The following ZFP2 variants were observed in gnomAD, a reference collection of about 807,000 sequenced individuals.
ZFP2 encodes ZFP2 zinc finger protein.
Under a neutral mutation model 36.1 loss-of-function variants are expected in ZFP2, and 33 were observed. That is an observed-to-expected ratio of 0.92 (90% CI 0.69 to 1.22). The LOEUF (loss-of-function observed/expected upper bound fraction) is 1.22, where lower values mean the gene tolerates loss of function less well. Ranked by LOEUF, ZFP2 falls within the 50% of genes most tolerant of loss-of-function variation. The probability of loss-of-function intolerance (pLI) is 0.00; values close to 1 mark genes in which losing one functional copy is unlikely to be tolerated. For missense variants in ZFP2, 522 were observed against 551.4 expected, an observed-to-expected ratio of 0.95 and a Z score of 0.53; for synonymous variants, 170 against 178.0, an observed-to-expected ratio of 0.96 and a Z score of 0.36.
At chr5:178,927,770 G>A (rs1239773371) in intron 4 of ZFP2, among the ~76,000 whole-genome samples, 1 of 151,104 alleles carries the variant, frequency 6.6e-6, no homozygotes, top group Non-Finnish European at 1.5e-5. Flanking sequence ...TCCTGACCTC[G>A]GGTGATTCTG....
In ZFP2 at chr5:178,916,679, C is replaced by T. The variant is rs1247594830; in HGVS notation, c.-109C>T. The stretch of plus-strand genomic sequence containing the variant: ...CTGTGCTCAGCTCTTCCACAGCCAG[C>T]ATCTCACTTACTTGACACAAAACAT... On this transcript the variant is annotated 5_prime_UTR_variant, in exon 4 of 5. Transcript: ENST00000361362. 5 of 985,346 alleles carry T rather than the reference C, an allele frequency of 5.1e-6. No homozygotes were observed. In the East Asian group the frequency reaches 5.7e-4, roughly 112 times the overall value. 61.0% of individuals were successfully genotyped at this position (985,346 alleles called of 1,614,324 possible). A position where few individuals can be genotyped will look rare whatever the true frequency, so the allele number is the denominator to read the frequency against.
chr5:178,915,523 A>C (rs1011173940), intron 3 of ZFP2, among the ~76,000 whole-genome samples: 4 of 151,780 alleles, frequency 2.6e-5, no homozygotes, highest in African/African-American at 9.7e-5. Flanking sequence ...TGTGTTGTCC[A>C]GGCTGGTCTC....
intron 1 of ZFP2, among the ~76,000 whole-genome samples, chr5:178,911,965 A>G (rs1758306006): frequency 6.6e-6 from 1 of 152,026 alleles, no homozygotes; most frequent in African/African-American, 2.4e-5. Context: ...GTGAAACTCC[A>G]TCTCTACTAA....
chr5:178,931,363 C>A lies in ZFP2; in HGVS notation c.50C>A (p.Pro17His), dbSNP rs1323023875. 1.2e-6 allele frequency: 2 copies of A among 1,613,304 alleles called. No homozygotes were observed. ...TCTACTCTAGGGGAAACCTGGGAAC[C>A]TAATAATTGGTTAGAGGGACAACAG... ...WHSTLGETWE[P>H]NNWLEGQQDS... is the part of the protein sequence containing the mutation. Residue 17 changes from proline to histidine, a missense_variant, in exon 5 of 5, where the codon CCT becomes CAT. By Grantham distance (77) the Pro-to-His change is moderately conservative. Transcript: ENST00000361362.
At chr5:178,924,850 AAATAAT>A (rs963954763) in intron 4 of ZFP2, among the ~76,000 whole-genome samples, 2 of 147,598 alleles carry the variant, frequency 1.4e-5, no homozygotes, top group East Asian at 1.9e-4. Context: ...CTCCATCTCA[AAATAAT>A]AATAATAATA....
Position 178,932,720 on chromosome 5 carries a change from T to TA in ZFP2, c.*22dup, listed in dbSNP as rs1201321742. ...CGTGAGGAATGTTTTCACTGGCCCT[T>TA]ACCTCATGATTAACTCTTCAGTAAT... On this transcript the variant is annotated 3_prime_UTR_variant, in exon 5 of 5. Transcript: ENST00000361362. 6.4e-7 allele frequency: 1 copy of TA among 1,552,154 alleles called. No homozygotes were observed. The highest frequency in any genetic ancestry group is 8.7e-7 in the Non-Finnish European group (1 of 1,152,462).
At position 178,932,623 on chromosome 5, in the gene ZFP2, C is replaced by T. The variant is rs1457811337; in HGVS notation, c.1310C>T (p.Pro437Leu). 6.2e-7 allele frequency: 1 copy of T among 1,614,020 alleles called. No homozygotes were observed. Among genetic ancestry groups the T allele is most frequent in the Non-Finnish European group, 8.5e-7 (1 of 1,179,980 alleles). Residue 437 changes from proline to leucine, a missense_variant, in exon 5 of 5, where the codon CCC becomes CTC. Physicochemically the swap from Pro to Leu is moderately conservative, Grantham distance 98 (BLOSUM62 -3). Coordinates refer to ENST00000361362, the MANE Select transcript of ZFP2 (RefSeq NM_030613.4). ...CAGAGAACTCATACAGGAGAGAAAC[C>T]CTATCAGTGTAATGAATGCGGAAAA... is the stretch of plus-strand genomic sequence containing the variant. ...VHQRTHTGEK[P>L]YQCNECGKAF...
chr5:178,931,180 G>C, intron 4 of ZFP2, 57 bp from the exon 5 acceptor site: 1 of 1,451,638 alleles, frequency 6.9e-7, no homozygotes, highest in South Asian at 1.5e-5. Context: ...ACCTTATGCA[G>C]TTTCCAGTCT....
intron 3 of ZFP2, among the ~76,000 whole-genome samples, chr5:178,913,353 C>T (rs551807764): frequency 6.6e-6 from 1 of 152,214 alleles, no homozygotes; most frequent in South Asian, 2.1e-4. Context: ...ATGTCCTCTT[C>T]TGTCTTCCTC....
At chr5:178,903,671 A>C (rs1433918452) in intron 1 of ZFP2, among the ~76,000 whole-genome samples, 1 of 152,144 alleles carries the variant, frequency 6.6e-6, no homozygotes, top group African/African-American at 2.4e-5. Flanking sequence ...TGGCTTTGGG[A>C]TCATGCTATG....
chr5:178,896,827 G>GATCA (rs1757954280), intron 1 of ZFP2, among the ~76,000 whole-genome samples: 2 of 152,162 alleles, frequency 1.3e-5, no homozygotes, highest in Non-Finnish European at 2.9e-5. Context: ...TAAGGGGTTT[G>GATCA]AAGTGCACAA....
intron 1 of ZFP2, among the ~76,000 whole-genome samples, chr5:178,906,245 T>C (rs1758162820): frequency 6.6e-6 from 1 of 152,194 alleles, no homozygotes; most frequent in African/African-American, 2.4e-5. Context: ...ATTTGGACTT[T>C]TATTTTGCCT....
chr5:178,925,123 A>ATG (rs200603389), intron 4 of ZFP2, among the ~76,000 whole-genome samples: 27,479 of 103,636 alleles, frequency 0.27, 4,913 homozygotes, highest in Non-Finnish European at 0.36. Flanking sequence ...ATATATATAT[A>ATG]TATACACACA....
intron 3 of ZFP2, among the ~76,000 whole-genome samples, chr5:178,914,454 A>G (rs1244478789): frequency 6.6e-6 from 1 of 152,202 alleles, no homozygotes; most frequent in Admixed American, 6.5e-5. Flanking sequence ...GTATAAAATG[A>G]AAGGTAGTGT....
chr5:178,916,332 T>C (rs1758430892), intron 3 of ZFP2, among the ~76,000 whole-genome samples: 4 of 152,176 alleles, frequency 2.6e-5, no homozygotes, highest in African/African-American at 9.7e-5. Flanking sequence ...AAGTGAAGAC[T>C]TTTAAGTACA....
intron 1 of ZFP2, among the ~76,000 whole-genome samples, chr5:178,903,243 C>T (rs769626294): frequency 7.2e-5 from 11 of 152,238 alleles, no homozygotes; most frequent in South Asian, 4.1e-4. Context: ...CATCTTTCTC[C>T]GTAGTTTCAT....
At chr5:178,931,018 C>G (rs923315266) in intron 4 of ZFP2, among the ~76,000 whole-genome samples, 2 of 152,188 alleles carry the variant, frequency 1.3e-5, no homozygotes, top group South Asian at 4.1e-4. Context: ...TCTGCCATCC[C>G]CTGCTTTCAG....
At chr5:178,917,204 T>C (rs1758450397) in intron 4 of ZFP2, among the ~76,000 whole-genome samples, 1 of 152,350 alleles carries the variant, frequency 6.6e-6, no homozygotes, top group East Asian at 1.9e-4. Context: ...AATAAAGTAC[T>C]ATCAAAGATT....
chr5:178,911,733 T>A (rs1252049593), intron 1 of ZFP2, among the ~76,000 whole-genome samples: 1 of 152,218 alleles, frequency 6.6e-6, no homozygotes, highest in Admixed American at 6.5e-5. Context: ...TATTTACATA[T>A]CAAAATGCTC....
Sources: allele counts gnomAD v4.1 joint callset (sites outside exome capture counted in the v4.1 genomes callset), GRCh38; gene constraint gnomAD v4.1.1; transcripts MANE v1.5; gene names NCBI Gene and HGNC (gene_info 2026-07-23, HGNC 2026-07-21).